The following KHDRBS3 variants were observed in gnomAD, a reference collection of about 807,000 sequenced individuals.
KHDRBS3 encodes the protein KH domain-containing, RNA-binding, signal transduction-associated protein 3.
A neutral mutation model predicts 45.6 loss-of-function variants in KHDRBS3; 23 were observed. The ratio of observed to expected loss-of-function variants is 0.50; its 90% CI spans 0.36 to 0.72. KHDRBS3 has a LOEUF of 0.72. KHDRBS3 is among the 30% of genes least tolerant of loss of function. The pLI, the probability that KHDRBS3 is intolerant of heterozygous loss-of-function variation, is 0.00. For missense variants in KHDRBS3, 352 were observed against 424.8 expected (o/e 0.83, Z 1.51); for synonymous variants, 162 against 156.5 (o/e 1.04, Z -0.26).
At chr8:135,525,796 A>G (rs2130680521) in intron 2 of KHDRBS3, among the ~76,000 whole-genome samples, 1 of 152,322 alleles carries the variant, frequency 6.6e-6, no homozygotes, top group East Asian at 1.9e-4. Flanking sequence ...AGATGACCAG[A>G]TTATAGACCC....
intron 1 of KHDRBS3, among the ~76,000 whole-genome samples, chr8:135,515,238 C>T (rs1824516432): frequency 6.6e-6 from 1 of 151,404 alleles, no homozygotes; most frequent in Non-Finnish European, 1.5e-5. Context: ...TGGTGGCGGG[C>T]GCCTGTGGTC....
chr8:135,585,920 T>C (rs1828449802), intron 6 of KHDRBS3, among the ~76,000 whole-genome samples: 1 of 152,158 alleles, frequency 6.6e-6, no homozygotes, highest in Admixed American at 6.5e-5. Context: ...GGTAAAAGCA[T>C]GTGATGGGAA....
At chr8:135,507,530 A>G (rs1192372999) in intron 1 of KHDRBS3, among the ~76,000 whole-genome samples, 2 of 152,158 alleles carry the variant, frequency 1.3e-5, no homozygotes, top group Non-Finnish European at 2.9e-5. Context: ...TTGACTGGCC[A>G]TGGTGTACTT....
At chr8:135,471,330 A>G (rs1003963599) in intron 1 of KHDRBS3, among the ~76,000 whole-genome samples, 26 of 152,296 alleles carry the variant, frequency 1.7e-4, no homozygotes, top group East Asian at 3.9e-4. Context: ...CTTCTGGGGG[A>G]AACACCCCTA....
chr8:135,463,743 C>T (rs985930523), intron 1 of KHDRBS3, among the ~76,000 whole-genome samples: 7 of 152,162 alleles, frequency 4.6e-5, no homozygotes, highest in Admixed American at 2.0e-4. Flanking sequence ...GCCAGAGGAG[C>T]GATTGAAACC....
At chr8:135,551,107 CCA>C (rs1364709710) in intron 4 of KHDRBS3, among the ~76,000 whole-genome samples, 1 of 151,526 alleles carries the variant, frequency 6.6e-6, no homozygotes, top group African/African-American at 2.4e-5. Flanking sequence ...TTTATTAGTT[CCA>C]GTGTGGTGTT....
intron 1 of KHDRBS3, among the ~76,000 whole-genome samples, chr8:135,462,444 A>T (rs1213557518): frequency 1.3e-5 from 2 of 152,038 alleles, no homozygotes; most frequent in African/African-American, 4.8e-5. Context: ...AACAGTCTGC[A>T]CTGGTGAGAA....
At chr8:135,633,982 C>G (rs1180607516) in intron 7 of KHDRBS3, among the ~76,000 whole-genome samples, 1 of 152,214 alleles carries the variant, frequency 6.6e-6, no homozygotes, top group Non-Finnish European at 1.5e-5. Context: ...ATGAGAGTAT[C>G]ACCCAGAGTA....
chr8:135,640,843 T>A (rs1346834675), intron 7 of KHDRBS3, among the ~76,000 whole-genome samples: 5 of 152,172 alleles, frequency 3.3e-5, no homozygotes, highest in Admixed American at 3.3e-4. Context: ...ATTTTTAGTG[T>A]TTTTTCCCTT....
At chr8:135,622,876 C>A (rs1281207546) in intron 7 of KHDRBS3, among the ~76,000 whole-genome samples, 1 of 152,204 alleles carries the variant, frequency 6.6e-6, no homozygotes, top group Admixed American at 6.5e-5. Flanking sequence ...CAACCTTGAT[C>A]TTGGTCTTTC....
chr8:135,582,097 G>T (rs1218069969), intron 6 of KHDRBS3, 24 bp downstream of exon 6: 4 of 1,502,472 alleles, frequency 2.7e-6, no homozygotes, highest in Non-Finnish European at 3.6e-6. Flanking sequence ...TCAGACAACA[G>T]CCTTGTTCAT....
chr8:135,636,495 T>C (rs1343837621), intron 7 of KHDRBS3, among the ~76,000 whole-genome samples: 1 of 152,184 alleles, frequency 6.6e-6, no homozygotes, highest in Non-Finnish European at 1.5e-5. Context: ...CTTAGTGTTA[T>C]TCTGAAAACA....
chr8:135,459,248 T>C (rs1455980666), intron 1 of KHDRBS3, among the ~76,000 whole-genome samples: 1 of 151,996 alleles, frequency 6.6e-6, no homozygotes, highest in Non-Finnish European at 1.5e-5. Context: ...CAGAGTAGAG[T>C]GTGTGTGTGG....
chr8:135,574,474 T>G (rs1410960763), intron 5 of KHDRBS3, among the ~76,000 whole-genome samples: 2 of 152,166 alleles, frequency 1.3e-5, no homozygotes, highest in African/African-American at 2.4e-5. Flanking sequence ...TAACCAACAA[T>G]GTCAATGATC....
intron 5 of KHDRBS3, among the ~76,000 whole-genome samples, chr8:135,559,721 T>G (rs1229795651): frequency 6.6e-6 from 1 of 152,218 alleles, no homozygotes; most frequent in Non-Finnish European, 1.5e-5. Context: ...CATTACCAGT[T>G]TATGTTTGTT....
rs997530643 is a variant in KHDRBS3, at chr8:135,572,086, A to G, written c.612-9792A>G. On this transcript the variant is annotated intron_variant, in intron 5 of 8. Coordinates refer to ENST00000355849, the MANE Select transcript of KHDRBS3 (RefSeq NM_006558.3). ...AAACTTATCTATTATCAAATGGATC[A>G]TTGTTTCCAGAGAGGAAGGAATTTT... is the stretch of plus-strand genomic sequence containing the variant. 1.3e-5 allele frequency among the ~76,000 whole-genome samples: 2 copies of G among 152,210 alleles called. 1 individual carries two copies. Among genetic ancestry groups the G allele is most frequent in the South Asian group, 4.1e-4 (2 of 4,832 alleles).
chr8:135,652,889 G>T (rs1269803484), intron 4 of KHDRBS3, among the ~76,000 whole-genome samples: 1 of 152,220 alleles, frequency 6.6e-6, no homozygotes, highest in African/African-American at 2.4e-5. Flanking sequence ...GTCGTTGGAT[G>T]TATGAGTGAA....
rs530706357 is a variant in KHDRBS3, at chr8:135,499,454, A to G, written c.89-21783A>G. 6.6e-5 allele frequency among the ~76,000 whole-genome samples: 10 copies of G among 152,330 alleles called. No homozygotes were observed. In the South Asian group the frequency reaches 2.1e-3, roughly 32 times the overall value. On this transcript the variant is annotated intron_variant, in intron 1 of 8. Coordinates refer to ENST00000355849, the MANE Select transcript of KHDRBS3 (RefSeq NM_006558.3). ...TCTCCTAATCCACCTTAATGCTATTAAAACTCCTGATAGACTTGGCTACAT... is the reference window on the plus strand; with the variant it reads ...TCTCCTAATCCACCTTAATGCTATTGAAACTCCTGATAGACTTGGCTACAT...
chr8:135,570,378 C>T (rs1827643948), intron 5 of KHDRBS3, among the ~76,000 whole-genome samples: 1 of 152,020 alleles, frequency 6.6e-6, no homozygotes, highest in South Asian at 2.1e-4. Flanking sequence ...ATGTACTTTC[C>T]TTCTATAGTG....
Sources: allele counts gnomAD v4.1 joint callset (sites outside exome capture counted in the v4.1 genomes callset), GRCh38; gene constraint gnomAD v4.1.1; transcripts MANE v1.5; gene names NCBI Gene and HGNC (gene_info 2026-07-23, HGNC 2026-07-21).